Variants in ZNF69 observed in about 807,000 individuals in gnomAD.
ZNF69 encodes the protein zinc finger protein 69.
A neutral mutation model predicts 50.9 loss-of-function variants in ZNF69; 47 were observed. That is an observed-to-expected ratio of 0.92 (90% CI 0.73 to 1.18). The LOEUF is 1.18. Among genes scored for constraint, ZNF69 ranks in the 50% most tolerant of loss-of-function variants. The pLI, the probability that ZNF69 is intolerant of heterozygous loss-of-function variation, is 0.00. For synonymous variants in ZNF69, 216 were observed against 223.1 expected, an observed-to-expected ratio of 0.97 and a Z score of 0.29; for missense variants, 717 against 675.1, an observed-to-expected ratio of 1.06 and a Z score of -0.69.
the ZNF69 span, among the ~76,000 whole-genome samples, chr19:11,958,724 G>A: frequency 1.3e-5 from 2 of 152,200 alleles, no homozygotes; most frequent in Non-Finnish European, 2.9e-5. Context: ...CTAAGCTTGG[G>A]AATGTGTAAC....
intron 1 of ZNF69, among the ~76,000 whole-genome samples, chr19:11,899,998 A>G (rs1972208980): frequency 6.6e-6 from 1 of 151,876 alleles, no homozygotes. Context: ...CTTGTTGCCC[A>G]GACTGGAGTA....
chr19:11,906,861 G>A (rs1448438717), downstream of ZNF69, among the ~76,000 whole-genome samples: 1 of 151,944 alleles, frequency 6.6e-6, no homozygotes, highest in Non-Finnish European at 1.5e-5. Context: ...CAGATGATCG[G>A]TAATAACAAA....
intron 1 of ZNF69, among the ~76,000 whole-genome samples, chr19:11,903,002 T>A (rs1972278170): frequency 6.6e-6 from 1 of 152,176 alleles, no homozygotes; most frequent in South Asian, 2.1e-4. Context: ...CCAGGTGTGG[T>A]GGCACATGCC....
At chr19:11,949,812 A>T in the ZNF69 span, 1 of 1,607,368 alleles carries the variant, frequency 6.2e-7, no homozygotes, top group Non-Finnish European at 8.5e-7. Context: ...AGTGTAAGCA[A>T]TGTGGGAAAG....
At chr19:11,966,840 C>G in the ZNF69 span, among the ~76,000 whole-genome samples, 1 of 152,062 alleles carries the variant, frequency 6.6e-6, no homozygotes, top group African/African-American at 2.4e-5. Flanking sequence ...AGAGTTTATT[C>G]AAGCAGAAAG....
rs1244255605 is a variant in ZNF69, at chr19:11,905,723, G to C, written c.1326G>C (p.Lys442Asn). 3 of 1,602,886 alleles carry C rather than the reference G, an allele frequency of 1.9e-6. No homozygotes were observed. The highest frequency in any genetic ancestry group is 2.3e-5 in the East Asian group (1 of 44,204). The part of the protein sequence containing the change: ...QLHGRTHTGE[K>N]PYECQECGKA... The stretch of plus-strand genomic sequence containing the variant: ...ATGGTAGGACTCACACTGGAGAGAA[G>C]CCCTATGAATGTCAGGAATGTGGGA... The change falls in exon 4 of 4, where the codon AAG (lysine) becomes AAC (asparagine). Residue 442 changes from lysine (K) to asparagine (N), a missense_variant. By Grantham distance (94) the Lys-to-Asn change is moderately conservative (BLOSUM62 0). Coordinates refer to ENST00000429654, the MANE Select transcript of ZNF69 (RefSeq NM_001364730.1).
At chr19:11,969,828 C>T in the ZNF69 span, among the ~76,000 whole-genome samples, 1 of 152,186 alleles carries the variant, frequency 6.6e-6, no homozygotes, top group African/African-American at 2.4e-5. Context: ...TTTTATCTTT[C>T]CTAGACACAG....
chr19:11,949,847 G>A, the ZNF69 span: 2,784 of 1,603,816 alleles, frequency 1.7e-3, 5 homozygotes, highest in Non-Finnish European at 2.2e-3. Context: ...TCAAACCTTC[G>A]AAAGCATGGT....
chr19:11,919,644 A>G, the ZNF69 span, among the ~76,000 whole-genome samples: 1 of 152,120 alleles, frequency 6.6e-6, no homozygotes, highest in South Asian at 2.1e-4. Context: ...TCATATTTGG[A>G]CACGAACCCT....
the ZNF69 span, among the ~76,000 whole-genome samples, chr19:11,955,851 G>A: frequency 6.6e-6 from 1 of 152,108 alleles, no homozygotes; most frequent in Admixed American, 6.6e-5. Flanking sequence ...GTTGTGATAT[G>A]TTTATATTCA....
chr19:11,960,346 A>G, the ZNF69 span, among the ~76,000 whole-genome samples: 4 of 152,168 alleles, frequency 2.6e-5, no homozygotes, highest in Admixed American at 6.5e-5. Context: ...ATTTGAGACA[A>G]CCTTGCTCTG....
rs529449046 is a variant in ZNF69 at position 11,899,857 on chromosome 19, A to G, written c.64-3716A>G. Among the ~76,000 whole-genome samples, 13 of 152,304 alleles carry G rather than the reference A, an allele frequency of 8.5e-5. No homozygotes were observed. In the South Asian group the frequency reaches 2.7e-3, roughly 32 times the overall value. On this transcript the variant is annotated intron_variant, in intron 1 of 3. Transcript: ENST00000429654. ...TGTAGAATTTTCCATTCACATCCCTAGTGAAGGAGAGTTCACTGTCTCCAG... is the reference window on the plus strand; with the variant it reads ...TGTAGAATTTTCCATTCACATCCCTGGTGAAGGAGAGTTCACTGTCTCCAG...
At chr19:11,917,119 C>T (rs1226311030), downstream of ZNF69, among the ~76,000 whole-genome samples, 16 of 152,112 alleles carry the variant, frequency 1.1e-4, no homozygotes, top group Admixed American at 3.9e-4. Flanking sequence ...TTGCATCTGC[C>T]AAGTGGGGCT....
At chr19:11,978,775 A>G in the ZNF69 span, 2 of 1,614,076 alleles carry the variant, frequency 1.2e-6, no homozygotes, top group Non-Finnish European at 1.7e-6. Context: ...GGAAAGCCAT[A>G]TGAATGTAAA....
chr19:11,964,730 C>G, the ZNF69 span, among the ~76,000 whole-genome samples: 3 of 152,198 alleles, frequency 2.0e-5, no homozygotes, highest in African/African-American at 7.2e-5. Flanking sequence ...TCCCTGCACA[C>G]TCCTGTGACC....
chr19:11,951,274 GA>G, the ZNF69 span, among the ~76,000 whole-genome samples: 1 of 149,326 alleles, frequency 6.7e-6, no homozygotes, highest in South Asian at 2.1e-4. Flanking sequence ...TGTCGCCCAG[GA>G]TAGAGTGCAG....
At chr19:11,934,643 C>G in the ZNF69 span, among the ~76,000 whole-genome samples, 2 of 147,530 alleles carry the variant, frequency 1.4e-5, no homozygotes, top group Non-Finnish European at 2.9e-5. Context: ...TCTCCTGACT[C>G]AGCCTCCAGA....
chr19:11,905,212 G>T lies in ZNF69; in HGVS notation c.815G>T (p.Gly272Val), dbSNP rs1173957284. 1.2e-6 allele frequency: 2 copies of T among 1,613,996 alleles called. No individual in the cohort carries two copies. Among genetic ancestry groups the T allele is most frequent in the Admixed American group, 3.3e-5 (2 of 59,994 alleles). The stretch of plus-strand genomic sequence containing the variant: ...CGAATACACGAAAGAACTCACACTG[G>T]AGAAAAGCCTTATGAATGTCAGCAA... The part of the protein sequence containing the change: ...TLRIHERTHT[G>V]EKPYECQQCG... Residue 272 changes from glycine to valine, a missense_variant, in exon 4 of 4, where the codon GGA (glycine) becomes GTA (valine). Gly to Val is a moderately radical substitution (Grantham distance 109, BLOSUM62 -3). Coordinates refer to ENST00000429654, the MANE Select transcript of ZNF69 (RefSeq NM_001364730.1).
the ZNF69 span, among the ~76,000 whole-genome samples, chr19:11,933,335 A>G: frequency 1.3e-5 from 2 of 148,436 alleles, no homozygotes; most frequent in Non-Finnish European, 2.9e-5. Context: ...AATATATTAC[A>G]TGTGAACACG....
Sources: gnomAD v4.1 joint callset for allele counts (sites outside exome capture counted in the v4.1 genomes callset) on GRCh38, gnomAD v4.1.1 for gene constraint, MANE v1.5 for transcripts, NCBI Gene and HGNC (gene_info 2026-07-23, HGNC 2026-07-21) for gene names.